Variants in NFASC observed in about 807,000 individuals in gnomAD.
The protein encoded by NFASC is neurofascin.
NFASC carries 43 observed loss-of-function variants against 147.5 expected under a neutral mutation model. The ratio of observed to expected loss-of-function variants is 0.29; its 90% CI spans 0.23 to 0.38. The LOEUF (loss-of-function observed/expected upper bound fraction) is 0.38. NFASC is among the 10% of genes least tolerant of loss of function. NFASC has a pLI of 1.00. For synonymous variants in NFASC, 622 were observed against 665.5 expected (o/e 0.93, Z 1.01); for missense variants, 1,320 against 1,689.0 (o/e 0.78, Z 3.83).
chr1:204,830,547 C>G (rs1009693962), intron 1 of NFASC, among the ~76,000 whole-genome samples: 1 of 151,846 alleles, frequency 6.6e-6, no homozygotes, highest in African/African-American at 2.4e-5. Flanking sequence ...TAATTTCTCC[C>G]CTTGTCTTTG....
At chr1:204,851,146 T>C (rs2075650069) in intron 1 of NFASC, among the ~76,000 whole-genome samples, 1 of 152,228 alleles carries the variant, frequency 6.6e-6, no homozygotes, top group Non-Finnish European at 1.5e-5. Flanking sequence ...TGAAAGCTTC[T>C]CTTTTTTAGA....
At chr1:204,877,008 A>ATATATATATAT (rs2078961752) in intron 1 of NFASC, among the ~76,000 whole-genome samples, 1 of 110,434 alleles carries the variant, frequency 9.1e-6, no homozygotes, top group African/African-American at 4.2e-5. Context: ...ATATATATAT[A>ATATATATATAT]TATATATATA....
intron 3 of NFASC, chr1:204,948,711 G>A (rs750322644): frequency 1.9e-6 from 1 of 519,028 alleles, no homozygotes; most frequent in South Asian, 1.4e-5. Context: ...GAGATTCCCT[G>A]GACAATGTCT....
intron 1 of NFASC, among the ~76,000 whole-genome samples, chr1:204,861,387 C>T (rs1346537488): frequency 1.3e-5 from 2 of 152,038 alleles, no homozygotes; most frequent in Non-Finnish European, 2.9e-5. Context: ...CTCCACCTGA[C>T]CTGAGCACTT....
intron 1 of NFASC, among the ~76,000 whole-genome samples, chr1:204,888,141 A>G (rs2148989805): frequency 6.6e-6 from 1 of 152,204 alleles, no homozygotes; most frequent in African/African-American, 2.4e-5. Context: ...CCGTGTCACC[A>G]GTTTCCATCC....
intron 1 of NFASC, among the ~76,000 whole-genome samples, chr1:204,915,693 T>G (rs10900431): frequency 0.21 from 32,463 of 152,216 alleles, 3,896 homozygotes; most frequent in East Asian, 0.43. Flanking sequence ...AATGATCTTT[T>G]TGCCCTGAGC....
rs1443624624 is a variant in NFASC, at chr1:204,986,549, G to T, written c.2471-869G>T. 4.5e-6 allele frequency: 1 copy of T among 220,822 alleles called. No homozygotes were observed. Among genetic ancestry groups the T allele is most frequent in the Non-Finnish European group, 9.2e-6 (1 of 108,350 alleles). The allele number at this position is 220,822 out of a possible 1,614,324, so 13.7% of individuals were successfully genotyped here. On this transcript the variant is annotated intron_variant, in intron 21 of 29. Coordinates refer to ENST00000339876, the MANE Select transcript of NFASC (RefSeq NM_001005388.3). The surrounding 1 kb of genome is among the most constrained non-coding windows in gnomAD (Gnocchi z 4.2). ...CGTCACTGAAATAGTCGGCCTGTGT[G>T]TGCGGTGGCTCTGCAGAGGGATACC...
At chr1:204,983,685 G>C (rs1016733643) in intron 21 of NFASC, among the ~76,000 whole-genome samples, 8 of 152,194 alleles carry the variant, frequency 5.3e-5, no homozygotes, top group Non-Finnish European at 1.2e-4. Context: ...AGGGAACCCC[G>C]CTGATAAGGT....
chr1:204,884,705 G>C (rs1434225637), intron 1 of NFASC, among the ~76,000 whole-genome samples: 1 of 152,092 alleles, frequency 6.6e-6, no homozygotes, highest in Admixed American at 6.5e-5. Context: ...AGCTGAGGTC[G>C]TGCATATCAG....
intron 17 of NFASC, 129 bp from the exon 18 acceptor site, chr1:204,978,839 C>A: frequency 1.5e-6 from 1 of 667,784 alleles, no homozygotes; most frequent in Non-Finnish European, 2.6e-6. Context: ...GCTCACCCCT[C>A]AGGGCAGGCT....
In NFASC at chr1:204,987,497, T is replaced by A; in HGVS notation, c.2550T>A (p.His850Gln). Reference protein sequence around the residue: ...TINLEWDHPEHPNGIMIGYTL... With the variant: ...TINLEWDHPEQPNGIMIGYTL... Reference sequence around the variant, plus strand: ...ACCTGGAATGGGATCATCCTGAGCATCCAAATGGGATCATGATTGGATACA... The same window carrying A: ...ACCTGGAATGGGATCATCCTGAGCAACCAAATGGGATCATGATTGGATACA... Residue 850 changes from histidine to glutamine, a missense_variant, in exon 22 of 30, where the codon CAT becomes CAA. His to Gln is a conservative substitution (Grantham distance 24). This residue lies in a region of NFASC where 981 missense variants were observed against 1,289.5 expected (regional missense o/e 0.76). Coordinates refer to ENST00000339876, the MANE Select transcript of NFASC (RefSeq NM_001005388.3). This position sits in a 1 kb window ranked among gnomAD's most constrained non-coding sequence, Gnocchi z 4.4. 6.2e-7 allele frequency: 1 copy of A among 1,614,042 alleles called. No individual in the cohort carries two copies. Among genetic ancestry groups the A allele is most frequent in the East Asian group, 2.2e-5 (1 of 44,866 alleles).
At chr1:204,999,561 G>C (rs1416294400) in intron 25 of NFASC, 1 of 152,180 alleles carries the variant, frequency 6.6e-6, no homozygotes. Flanking sequence ...ATTTGGGATG[G>C]CTTCAAGTGG....
rs780259620 is a variant in NFASC at position 204,902,019 on chromosome 1, T to TA, written c.-199-18604dup. Among the ~76,000 whole-genome samples, 259 of 151,188 alleles carry TA rather than the reference T, an allele frequency of 1.7e-3. 3 individuals are homozygous for TA. The highest frequency in any genetic ancestry group is 9.4e-3 in the South Asian group (45 of 4,766). ...AATGAAGGGAGAACCCCAGTTTCTC[T>TA]AAAAAAAAAGAAGTGTGTAATCCCA... On this transcript the variant is annotated intron_variant, in intron 1 of 29. Coordinates refer to ENST00000339876, the MANE Select transcript of NFASC (RefSeq NM_001005388.3).
chr1:205,006,396 G>A (rs879802401), intron 27 of NFASC, among the ~76,000 whole-genome samples: 1 of 152,218 alleles, frequency 6.6e-6, no homozygotes, highest in African/African-American at 2.4e-5. Context: ...TGGCGCAGCT[G>A]GGGGTGAAAT....
At chr1:204,953,450 A>G (rs960534145) in intron 5 of NFASC, among the ~76,000 whole-genome samples, 5 of 152,238 alleles carry the variant, frequency 3.3e-5, no homozygotes, top group South Asian at 2.1e-4. Context: ...GGCACCCGCC[A>G]CCACACCCGG....
chr1:204,951,962 C>T (rs1236088772), intron 4 of NFASC, 49 bp from the exon 5 acceptor site: 1 of 1,492,818 alleles, frequency 6.7e-7, no homozygotes, highest in South Asian at 1.1e-5. Flanking sequence ...AAGCTGGACC[C>T]CAGGGAGGTC....
At chr1:204,883,349 G>T (rs1486825365) in intron 1 of NFASC, among the ~76,000 whole-genome samples, 1 of 152,196 alleles carries the variant, frequency 6.6e-6, no homozygotes, top group Non-Finnish European at 1.5e-5. Flanking sequence ...AGCTGTGCAG[G>T]GCTGGGGCGG....
At chr1:204,957,431 C>G (rs2094480263) in intron 7 of NFASC, among the ~76,000 whole-genome samples, 1 of 152,196 alleles carries the variant, frequency 6.6e-6, no homozygotes, top group African/African-American at 2.4e-5. Flanking sequence ...ATCTAAAATC[C>G]TGCTCTCCTC....
intron 3 of NFASC, chr1:204,946,475 A>T: frequency 2.4e-6 from 1 of 416,262 alleles, no homozygotes; most frequent in South Asian, 1.7e-5. Flanking sequence ...GGCTGCCCGG[A>T]GCATGCCCCA....
Sources: gnomAD v4.1 joint callset for allele counts (sites outside exome capture counted in the v4.1 genomes callset) on GRCh38, gnomAD v4.1.1 for gene constraint, gnomAD v4.1.1 regional missense constraint, Gnocchi (gnomAD v3.1) non-coding constraint, MANE v1.5 for transcripts, NCBI Gene and HGNC (gene_info 2026-07-23, HGNC 2026-07-21) for gene names.